Variants in FBXL7 observed in about 807,000 individuals in gnomAD.
FBXL7 encodes F-box/LRR-repeat protein 7.
In FBXL7, 12 loss-of-function variants were observed where a neutral mutation model predicts 38.3. The observed-to-expected ratio is 0.31, with a 90% CI of 0.20 to 0.51. The LOEUF (loss-of-function observed/expected upper bound fraction) is 0.51, where lower values mean the gene tolerates loss of function less well. FBXL7 is among the 20% of genes least tolerant of loss of function. The pLI, the probability that FBXL7 is intolerant of heterozygous loss-of-function variation, is 0.98. For missense variants in FBXL7, 567 were observed against 676.4 expected (o/e 0.84, Z 1.79); for synonymous variants, 297 against 300.9 (o/e 0.99, Z 0.13).
intron 1 of FBXL7, among the ~76,000 whole-genome samples, chr5:15,581,984 C>T (rs553167876): frequency 3.2e-4 from 48 of 152,298 alleles, no homozygotes; most frequent in African/African-American, 1.1e-3. Flanking sequence ...GTGTCCCAGG[C>T]TGGAGTGCAG....
chr5:15,830,485 A>ACACACACACAC (rs1554024729), intron 2 of FBXL7, among the ~76,000 whole-genome samples: 30 of 144,192 alleles, frequency 2.1e-4, no homozygotes, highest in East Asian at 1.3e-3. Context: ...CTCCATCTAA[A>ACACACACACAC]ACACACACAC....
intron 2 of FBXL7, among the ~76,000 whole-genome samples, chr5:15,640,688 T>G (rs2126555441): frequency 6.6e-6 from 1 of 152,186 alleles, no homozygotes; most frequent in African/African-American, 2.4e-5. Flanking sequence ...CACACCCGGC[T>G]AATTTTTGTG....
intron 2 of FBXL7, among the ~76,000 whole-genome samples, chr5:15,766,006 T>C (rs896776547): frequency 2.0e-5 from 3 of 151,538 alleles, no homozygotes; most frequent in African/African-American, 4.9e-5. Flanking sequence ...CACTCCAGCT[T>C]CATCTATATC....
At chr5:15,584,798 A>T (rs997546163) in intron 1 of FBXL7, among the ~76,000 whole-genome samples, 1 of 152,194 alleles carries the variant, frequency 6.6e-6, no homozygotes, top group Non-Finnish European at 1.5e-5. Flanking sequence ...AGACTGGGTA[A>T]TTTACAAAGG....
chr5:15,924,632 CTTTTT>C (rs34865383), intron 2 of FBXL7, among the ~76,000 whole-genome samples: 5 of 120,022 alleles, frequency 4.2e-5, no homozygotes, highest in Admixed American at 8.8e-5. Flanking sequence ...TCTCATTATT[CTTTTT>C]TTTTTTTTTT....
chr5:15,711,391 T>C (rs1436020147), intron 2 of FBXL7, among the ~76,000 whole-genome samples: 2 of 152,204 alleles, frequency 1.3e-5, no homozygotes, highest in Non-Finnish European at 2.9e-5. Flanking sequence ...TGTCCATGTC[T>C]TGTTATATGG....
At chr5:15,906,582 T>C (rs1173498499) in intron 2 of FBXL7, among the ~76,000 whole-genome samples, 1 of 145,802 alleles carries the variant, frequency 6.9e-6, no homozygotes, top group Admixed American at 6.9e-5. Context: ...TAGTTACATA[T>C]GTATACATGT....
At chr5:15,926,113 G>A (rs2126454609) in intron 2 of FBXL7, among the ~76,000 whole-genome samples, 1 of 152,204 alleles carries the variant, frequency 6.6e-6, no homozygotes, top group Middle Eastern at 3.4e-3. Flanking sequence ...TTAAATTTAT[G>A]ATGGGCTTAT....
chr5:15,577,726 G>T (rs1046642809), intron 1 of FBXL7, among the ~76,000 whole-genome samples: 2 of 151,978 alleles, frequency 1.3e-5, no homozygotes, highest in Non-Finnish European at 2.9e-5. Flanking sequence ...TGAACCCAGA[G>T]GGTCTGGATA....
intron 3 of FBXL7, chr5:15,935,081 A>AGT: frequency 2.0e-6 from 1 of 511,448 alleles, no homozygotes; most frequent in Non-Finnish European, 4.1e-6. Context: ...AGCCATTTCC[A>AGT]GTGCTCAGAG....
intron 1 of FBXL7, among the ~76,000 whole-genome samples, chr5:15,521,784 T>G (rs1260505915): frequency 5.9e-5 from 9 of 152,190 alleles, no homozygotes; most frequent in Non-Finnish European, 1.3e-4. Flanking sequence ...ATGTGCCTCT[T>G]CTCCTGCGTG....
intron 1 of FBXL7, among the ~76,000 whole-genome samples, chr5:15,610,974 C>A (rs1740213962): frequency 6.6e-6 from 1 of 152,124 alleles, no homozygotes; most frequent in Non-Finnish European, 1.5e-5. Flanking sequence ...CAAACCCAGG[C>A]CTCTTCACTC....
At chr5:15,734,725 TA>T (rs1271287347) in intron 2 of FBXL7, among the ~76,000 whole-genome samples, 1 of 152,188 alleles carries the variant, frequency 6.6e-6, no homozygotes, top group East Asian at 1.9e-4. Context: ...TATGTTCAGG[TA>T]GTTCAGAAAA....
intron 2 of FBXL7, among the ~76,000 whole-genome samples, chr5:15,642,473 G>T (rs1741400282): frequency 6.6e-6 from 1 of 152,172 alleles, no homozygotes; most frequent in East Asian, 1.9e-4. Flanking sequence ...GAAGCTTGCA[G>T]TGGTTGGCAT....
chr5:15,902,271 C>G (rs1309208047), intron 2 of FBXL7, among the ~76,000 whole-genome samples: 2 of 152,174 alleles, frequency 1.3e-5, no homozygotes, highest in East Asian at 3.9e-4. Flanking sequence ...CTTTAGAAGG[C>G]TCAGAAGCCC....
chr5:15,869,532 A>G (rs1342627645), intron 2 of FBXL7, among the ~76,000 whole-genome samples: 1 of 152,168 alleles, frequency 6.6e-6, no homozygotes, highest in Non-Finnish European at 1.5e-5. Flanking sequence ...CCAATATAAT[A>G]TAGAATTTAC....
intron 1 of FBXL7, among the ~76,000 whole-genome samples, chr5:15,540,758 A>G (rs1199040347): frequency 6.6e-6 from 1 of 151,944 alleles, no homozygotes; most frequent in African/African-American, 2.4e-5. Context: ...GCAGATTGCT[A>G]TTTTCTCCTT....
chr5:15,640,406 G>T (rs556090266), intron 2 of FBXL7, among the ~76,000 whole-genome samples: 1 of 152,214 alleles, frequency 6.6e-6, no homozygotes, highest in African/African-American at 2.4e-5. Flanking sequence ...AAGGACAGCA[G>T]TTATAGAATT....
Position 15,564,750 on chromosome 5 carries a change from A to T in FBXL7, c.38-51233A>T, listed in dbSNP as rs1194733356. Among the ~76,000 whole-genome samples, 8 of 152,180 alleles carry T rather than the reference A, an allele frequency of 5.3e-5. No homozygotes were observed. The Middle Eastern group carries it at 0.01, about 194-fold the overall frequency. On this transcript the variant is annotated intron_variant, in intron 1 of 3. Coordinates refer to ENST00000504595, the MANE Select transcript of FBXL7 (RefSeq NM_012304.5). Reference sequence around the variant, plus strand: ...AAGGTTTCCGACACTAAATCTACAGAAATCCATTTAGCCAGAGTTGTGTGT... The same window carrying T: ...AAGGTTTCCGACACTAAATCTACAGTAATCCATTTAGCCAGAGTTGTGTGT...
Sources: allele counts gnomAD v4.1 joint callset (sites outside exome capture counted in the v4.1 genomes callset), GRCh38; gene constraint gnomAD v4.1.1; transcripts MANE v1.5; gene names NCBI Gene and HGNC (gene_info 2026-07-23, HGNC 2026-07-21).